The following CHST9 variants were observed in gnomAD, a reference collection of about 807,000 sequenced individuals.
CHST9 encodes carbohydrate sulfotransferase 9, also known as GalNAc-4-sulfotransferase 2.
Under a neutral mutation model 44.4 loss-of-function variants are expected in CHST9, and 41 were observed. The observed-to-expected ratio is 0.92, with a 90% CI of 0.72 to 1.20. The LOEUF (loss-of-function observed/expected upper bound fraction) is 1.20, where lower values mean the gene tolerates loss of function less well. Ranked by LOEUF, CHST9 falls within the 50% of genes most tolerant of loss-of-function variation. The probability of loss-of-function intolerance (pLI) is 0.00; values close to 1 mark genes in which losing one functional copy is unlikely to be tolerated. For missense variants in CHST9, 504 were observed against 516.5 expected, an observed-to-expected ratio of 0.98 and a Z score of 0.23; for synonymous variants, 171 against 178.4, an observed-to-expected ratio of 0.96 and a Z score of 0.33.
At position 27,053,937 on chromosome 18, in the gene CHST9, CCTT is replaced by C. The variant is rs1462210423; in HGVS notation, c.122-5437_122-5435del. Among the ~76,000 whole-genome samples, 6 of 152,168 alleles carry C rather than the reference CCTT, an allele frequency of 3.9e-5. No individual in the cohort carries two copies. The East Asian group carries it at 1.2e-3, about 29-fold the overall frequency. ...CTCCATGCCCTGCAGAGTGAAGCAC[CCTT>C]CTTCTGTGCTTCTGTAACCTTTCAT... is the stretch of plus-strand genomic sequence containing the variant. On this transcript the variant is annotated intron_variant, in intron 2 of 5. Coordinates refer to ENST00000618847, the MANE Select transcript of CHST9 (RefSeq NM_031422.6).
intron 1 of CHST9, among the ~76,000 whole-genome samples, chr18:27,165,395 G>T (rs900067295): frequency 8.5e-5 from 13 of 152,100 alleles, no homozygotes; most frequent in African/African-American, 1.2e-4. Context: ...TAAACAAAAT[G>T]GCATCACTAT....
chr18:27,159,836 G>A (rs2058731362), intron 1 of CHST9, among the ~76,000 whole-genome samples: 1 of 152,148 alleles, frequency 6.6e-6, no homozygotes, highest in Non-Finnish European at 1.5e-5. Flanking sequence ...TCCCTTGTAA[G>A]TTGGATTCCT....
intron 1 of CHST9, among the ~76,000 whole-genome samples, chr18:27,159,442 G>A (rs1212472816): frequency 6.6e-6 from 1 of 152,038 alleles, no homozygotes; most frequent in Non-Finnish European, 1.5e-5. Flanking sequence ...TATTTCTGAG[G>A]GATCTGTTCT....
intron 5 of CHST9, among the ~76,000 whole-genome samples, chr18:26,925,551 G>C (rs1387893359): frequency 6.6e-6 from 1 of 152,230 alleles, no homozygotes; most frequent in Non-Finnish European, 1.5e-5. Context: ...TGTCAGGAAA[G>C]CACCAGGCAT....
chr18:27,129,967 C>T (rs1173032054), intron 2 of CHST9, among the ~76,000 whole-genome samples: 1 of 152,064 alleles, frequency 6.6e-6, no homozygotes, highest in East Asian at 1.9e-4. Flanking sequence ...ATCTTGAGCC[C>T]TCTTGGATCT....
chr18:27,079,883 T>A (rs2057943738), intron 2 of CHST9, among the ~76,000 whole-genome samples: 1 of 152,162 alleles, frequency 6.6e-6, no homozygotes, highest in African/African-American at 2.4e-5. Context: ...CATTCTCACA[T>A]CTCTTTGGAT....
At chr18:26,966,791 A>C (rs2056470948) in intron 4 of CHST9, among the ~76,000 whole-genome samples, 1 of 151,772 alleles carries the variant, frequency 6.6e-6, no homozygotes, top group African/African-American at 2.4e-5. Flanking sequence ...TTTAAGGCAC[A>C]TGAATTATTT....
intron 2 of CHST9, among the ~76,000 whole-genome samples, chr18:27,105,796 C>A (rs2058215794): frequency 6.7e-6 from 1 of 150,354 alleles, no homozygotes; most frequent in Non-Finnish European, 1.5e-5. Flanking sequence ...TGGCACTCAA[C>A]CCCTCACACA....
chr18:27,042,041 C>T (rs2057451364), intron 3 of CHST9, among the ~76,000 whole-genome samples: 1 of 152,108 alleles, frequency 6.6e-6, no homozygotes, highest in Non-Finnish European at 1.5e-5. Flanking sequence ...AAAAAGCAAA[C>T]ATGCTGGAGA....
At chr18:27,084,217 T>C (rs2057987722) in intron 2 of CHST9, among the ~76,000 whole-genome samples, 1 of 151,862 alleles carries the variant, frequency 6.6e-6, no homozygotes, top group Non-Finnish European at 1.5e-5. Context: ...TTCAGTATGG[T>C]TGGTACCAGC....
intron 2 of CHST9, among the ~76,000 whole-genome samples, chr18:27,053,300 G>GAAGGAC (rs796978174): frequency 2.4e-5 from 3 of 123,332 alleles, no homozygotes; most frequent in East Asian, 2.8e-4. Context: ...AGGAGAAGGA[G>GAAGGAC]AAGGAGAAGG....
At chr18:27,012,374 A>C (rs2057095671) in intron 4 of CHST9, among the ~76,000 whole-genome samples, 1 of 152,236 alleles carries the variant, frequency 6.6e-6, no homozygotes, top group Non-Finnish European at 1.5e-5. Context: ...TAGAGAAAAG[A>C]AAATATTTTT....
At chr18:27,165,591 T>A (rs151118413) in intron 1 of CHST9, among the ~76,000 whole-genome samples, 1 of 152,310 alleles carries the variant, frequency 6.6e-6, no homozygotes, top group Non-Finnish European at 1.5e-5. Context: ...AAAGTTCACA[T>A]GACTCATAAC....
intron 4 of CHST9, among the ~76,000 whole-genome samples, chr18:27,012,650 AC>A (rs1396059849): frequency 6.6e-6 from 1 of 152,236 alleles, no homozygotes; most frequent in Non-Finnish European, 1.5e-5. Flanking sequence ...GAAACTATAA[AC>A]AAACAAACAA....
chr18:26,968,238 GGTT>G (rs1302215097), intron 4 of CHST9, among the ~76,000 whole-genome samples: 2 of 151,956 alleles, frequency 1.3e-5, no homozygotes, highest in Non-Finnish European at 2.9e-5. Context: ...TGAAATTTTT[GGTT>G]GTTATTGCTA....
At chr18:26,929,259 C>T (rs138415796) in intron 5 of CHST9, among the ~76,000 whole-genome samples, 1 of 152,314 alleles carries the variant, frequency 6.6e-6, no homozygotes, top group African/African-American at 2.4e-5. Flanking sequence ...TAACTTTGGG[C>T]AGGAGGTCTC....
intron 2 of CHST9, among the ~76,000 whole-genome samples, chr18:27,087,638 T>C (rs2058025518): frequency 6.6e-6 from 1 of 152,190 alleles, no homozygotes; most frequent in Non-Finnish European, 1.5e-5. Flanking sequence ...TCATACATAC[T>C]TGCCTCTGAG....
chr18:27,030,769 CTG>C (rs2057332183), intron 3 of CHST9, among the ~76,000 whole-genome samples: 1 of 152,178 alleles, frequency 6.6e-6, no homozygotes, highest in Admixed American at 6.5e-5. Flanking sequence ...GAGAATAGCA[CTG>C]AAAAGGGGTG....
chr18:27,161,084 G>GA (rs750392785), intron 1 of CHST9, among the ~76,000 whole-genome samples: 1 of 151,860 alleles, frequency 6.6e-6, no homozygotes, highest in Non-Finnish European at 1.5e-5. Flanking sequence ...TTGATTTTTT[G>GA]AAGGGTTTTT....
Sources: gnomAD v4.1 joint callset for allele counts (sites outside exome capture counted in the v4.1 genomes callset) on GRCh38, gnomAD v4.1.1 for gene constraint, MANE v1.5 for transcripts, NCBI Gene and HGNC (gene_info 2026-07-23, HGNC 2026-07-21) for gene names.